The following CRMP1 variants were observed in gnomAD, a reference collection of about 807,000 sequenced individuals.
CRMP1 encodes the protein dihydropyrimidinase-related protein 1.
CRMP1 carries 19 observed loss-of-function variants against 68.3 expected under a neutral mutation model. That is an observed-to-expected ratio of 0.28 (90% CI 0.19 to 0.41). The LOEUF is 0.41. CRMP1 is among the 10% of genes least tolerant of loss of function. The pLI, the probability that CRMP1 is intolerant of heterozygous loss-of-function variation, is 1.00. For missense variants in CRMP1, 791 were observed against 967.4 expected, an observed-to-expected ratio of 0.82 and a Z score of 2.42; for synonymous variants, 439 against 399.6, an observed-to-expected ratio of 1.10 and a Z score of -1.18.
chr4:5,885,043 T>G (rs1351599715), intron 1 of CRMP1, among the ~76,000 whole-genome samples: 1 of 151,714 alleles, frequency 6.6e-6, no homozygotes, highest in Non-Finnish European at 1.5e-5. Flanking sequence ...ACACAGTCCT[T>G]GGGGGCAGGA....
At chr4:5,836,106 TGAGAA>T (rs756004402) in intron 10 of CRMP1, 21 bp from the exon 11 acceptor site, 2 of 1,451,562 alleles carry the variant, frequency 1.4e-6, no homozygotes, top group East Asian at 5.3e-5. Flanking sequence ...GACCCACAGA[TGAGAA>T]GAGCATCTCA....
intron 11 of CRMP1, among the ~76,000 whole-genome samples, chr4:5,830,194 G>A (rs1720264561): frequency 6.6e-6 from 1 of 152,054 alleles, no homozygotes; most frequent in African/African-American, 2.4e-5. Context: ...CAGGGTCTTG[G>A]CATTCTTCTT....
chr4:5,888,592 C>G lies in CRMP1; in HGVS notation c.381+3997G>C, dbSNP rs2152477359. 2 of 1,060,958 alleles carry G rather than the reference C, an allele frequency of 1.9e-6. No homozygotes were observed. Among genetic ancestry groups the G allele is most frequent in the South Asian group, 9.1e-5 (2 of 21,994 alleles). The allele number at this position is 1,060,958 out of a possible 1,614,324, so 65.7% of individuals were successfully genotyped here. ...CCGGATTCGCCCCTCTCGGCTCGAA[C>G]CAGGAAGCGCTTCCCTTCCGATCTC... is the stretch of plus-strand genomic sequence containing the variant. On this transcript the variant is annotated intron_variant, in intron 1 of 13. Coordinates refer to ENST00000324989, the MANE Select transcript of CRMP1 (RefSeq NM_001014809.3). The surrounding 1 kb of genome is among the most constrained non-coding windows in gnomAD (Gnocchi z 6.4).
chr4:5,863,747 T>G (rs538852129), intron 2 of CRMP1, among the ~76,000 whole-genome samples: 9 of 152,310 alleles, frequency 5.9e-5, no homozygotes, highest in South Asian at 2.1e-4. Context: ...TGAACGGCTC[T>G]TAAGAAAACT....
intron 11 of CRMP1, 148 bp from the exon 12 acceptor site, chr4:5,828,816 T>G: frequency 9.8e-7 from 1 of 1,015,728 alleles, no homozygotes; most frequent in South Asian, 1.7e-5. Flanking sequence ...ACTGTAATAT[T>G]CCACTGTATG....
chr4:5,888,731 C>A lies in CRMP1; in HGVS notation c.381+3858G>T, dbSNP rs1435265656. The A allele has an allele frequency of 1.0e-5, 7 of 701,002 alleles. No individual in the cohort carries two copies. The highest frequency in any genetic ancestry group is 1.2e-5 in the Non-Finnish European group (7 of 571,466). The allele number at this position is 701,002 out of a possible 1,614,324, so 43.4% of individuals were successfully genotyped here. On this transcript the variant is annotated intron_variant, in intron 1 of 13. Coordinates refer to ENST00000324989, the MANE Select transcript of CRMP1 (RefSeq NM_001014809.3). The surrounding 1 kb of genome is among the most constrained non-coding windows in gnomAD (Gnocchi z 6.4). ...GATCCAGAGAGTATGGTTTTCAGGG[C>A]TCCTTTAAAAGAAAAAGACGGCGCG...
In CRMP1 at chr4:5,836,052, C is replaced by T; in HGVS notation, c.1486G>A (p.Ala496Thr). The change falls in exon 11 of 14, where the codon GCT (alanine) becomes ACT (threonine). Residue 496 changes from alanine (A) to threonine (T), a missense_variant. Around this residue, in one of 3 missense-constraint regions of CRMP1, gnomAD observed 594 missense variants for 763.6 expected, o/e 0.78. Transcript: ENST00000324989. ...TTGGCTGCATTGGTGCTGGTGACAG[C>T]GACAAACTGGTTCTCATCCATTTTG... The part of the protein sequence containing the change: ...TGKMDENQFV[A>T]VTSTNAAKIF... 2 of 1,561,364 alleles carry T rather than the reference C, an allele frequency of 1.3e-6. No homozygotes were observed. Among genetic ancestry groups the T allele is most frequent in the South Asian group, 1.2e-5 (1 of 81,194 alleles).
chr4:5,890,378 T>C lies in CRMP1; in HGVS notation c.381+2211A>G, dbSNP rs1715883887. On this transcript the variant is annotated intron_variant, in intron 1 of 13. Transcript: ENST00000324989. The surrounding 1 kb of genome is among the most constrained non-coding windows in gnomAD (Gnocchi z 5.5). ...CTCCGGCAGCGGCAATCCTTGCGCC[T>C]GCGCCGCAGAAACCCCTCCTGCAGC... Among the ~76,000 whole-genome samples the C allele has an allele frequency of 1.3e-5, 2 of 152,098 alleles. No homozygotes were observed. Among genetic ancestry groups the C allele is most frequent in the Admixed American group, 1.3e-4 (2 of 15,276 alleles).
At position 5,888,190 on chromosome 4, in the gene CRMP1, A is replaced by C; in HGVS notation, c.381+4399T>G. The C allele has an allele frequency of 8.0e-7, 1 of 1,246,612 alleles. No homozygotes were observed. Among genetic ancestry groups the C allele is most frequent in the South Asian group, 3.8e-5 (1 of 26,442 alleles). The allele number at this position is 1,246,612 out of a possible 1,614,324, so 77.2% of individuals were successfully genotyped here. On this transcript the variant is annotated intron_variant, in intron 1 of 13. Coordinates refer to ENST00000324989, the MANE Select transcript of CRMP1 (RefSeq NM_001014809.3). The surrounding 1 kb of genome is among the most constrained non-coding windows in gnomAD (Gnocchi z 6.4). ...GCCGGGCGCCCACTCCCAGCCCACAAAGGCCAGCGCGGGGCGGCGGGGGCG... is the reference window on the plus strand; with the variant it reads ...GCCGGGCGCCCACTCCCAGCCCACACAGGCCAGCGCGGGGCGGCGGGGGCG...
Position 5,881,234 on chromosome 4 carries a change from A to T in CRMP1, c.381+11355T>A, listed in dbSNP as rs1341257498. ...AGCTGCTTGCTCTTGTTTTCTAGAC[A>T]ACTTCTCTATGAAGCATCCAAGATC... is the stretch of plus-strand genomic sequence containing the variant. On this transcript the variant is annotated intron_variant, in intron 1 of 13. Coordinates refer to ENST00000324989, the MANE Select transcript of CRMP1 (RefSeq NM_001014809.3). This position sits in a 1 kb window ranked among gnomAD's most constrained non-coding sequence, Gnocchi z 4.6. Among the ~76,000 whole-genome samples the T allele has an allele frequency of 6.6e-6, 1 of 152,116 alleles. No individual in the cohort carries two copies. The highest frequency in any genetic ancestry group is 2.4e-5 in the African/African-American group (1 of 41,412).
At position 5,850,196 on chromosome 4, in the gene CRMP1, C is replaced by T. The variant is rs946525619; in HGVS notation, c.883-724G>A. Among the ~76,000 whole-genome samples, 3 of 152,182 alleles carry T rather than the reference C, an allele frequency of 2.0e-5. No homozygotes were observed. The highest frequency in any genetic ancestry group is 1.9e-4 in the East Asian group (1 of 5,180). On this transcript the variant is annotated intron_variant, in intron 5 of 13. Transcript: ENST00000324989. The surrounding 1 kb of genome is among the most constrained non-coding windows in gnomAD (Gnocchi z 4.4). Reference sequence around the variant, plus strand: ...CCATGCATGCAAGACAACATCCCCTCGGATGTCTGCTTTCCGACAGACATC... The same window carrying T: ...CCATGCATGCAAGACAACATCCCCTTGGATGTCTGCTTTCCGACAGACATC...
In CRMP1 at chr4:5,892,560, C is replaced by T. The variant is rs1470732157; in HGVS notation, c.381+29G>A. 2.5e-5 allele frequency: 29 copies of T among 1,171,472 alleles called. No individual in the cohort carries two copies. The highest frequency in any genetic ancestry group is 4.6e-5 in the Admixed American group (1 of 21,636). 72.6% of individuals were successfully genotyped at this position (1,171,472 alleles called of 1,614,324 possible). On this transcript the variant is annotated intron_variant, in intron 1 of 13. Coordinates refer to ENST00000324989, the MANE Select transcript of CRMP1 (RefSeq NM_001014809.3). This position sits in a 1 kb window ranked among gnomAD's most constrained non-coding sequence, Gnocchi z 8.6. The stretch of plus-strand genomic sequence containing the variant: ...GGGTCCTCCCGGGGCCCGCCCCCCT[C>T]GTCTGGCCCGCGCGCGCCCCGAGGG...
chr4:5,885,494 T>C (rs1481177806), intron 1 of CRMP1, among the ~76,000 whole-genome samples: 2 of 152,198 alleles, frequency 1.3e-5, no homozygotes, highest in Non-Finnish European at 2.9e-5. Flanking sequence ...ACTGCCTTCA[T>C]GATTTGATCT....
rs761516398 is a variant in CRMP1 at position 5,861,033 on chromosome 4, C to T, written c.648G>A (p.Thr216=). 18 of 1,613,732 alleles carry T rather than the reference C, an allele frequency of 1.1e-5. No homozygotes were observed. The highest frequency in any genetic ancestry group is 3.3e-5 in the South Asian group (3 of 91,046). Reference sequence around the variant, plus strand: ...GGGGACAGTGTCACTCACTGATCATCGTGGTCCCGCCCACCAGTGCCGCCC... The same window carrying T: ...GGGGACAGTGTCACTCACTGATCATTGTGGTCCCGCCCACCAGTGCCGCCC... ...GTRAALVGGT[T]MIIDHVVPEP... The change falls in exon 3 of 14, where the codon ACG becomes ACA. Residue 216 remains threonine (T), a synonymous_variant. Transcript: ENST00000324989. This position sits in a 1 kb window ranked among gnomAD's most constrained non-coding sequence, Gnocchi z 6.0.
rs756422437 is a variant in CRMP1 at position 5,836,088 on chromosome 4, A to T, written c.1453-3T>A. Reference sequence around the variant, plus strand: ...TTCTCATCCATTTTGCCAGTAGCCTACAGGCAAGACCCACAGATGAGAAGA... The same window carrying T: ...TTCTCATCCATTTTGCCAGTAGCCTTCAGGCAAGACCCACAGATGAGAAGA... On this transcript the variant is annotated splice_polypyrimidine_tract_variant and splice_region_variant and intron_variant, in intron 10 of 13. Transcript: ENST00000324989. 6.7e-7 allele frequency: 1 copy of T among 1,502,488 alleles called. No individual in the cohort carries two copies. Among genetic ancestry groups the T allele is most frequent in the South Asian group, 1.4e-5 (1 of 69,278 alleles). 93.1% of individuals were successfully genotyped at this position (1,502,488 alleles called of 1,614,324 possible).
At chr4:5,873,321 G>GGGAA (rs1191816631) in intron 1 of CRMP1, among the ~76,000 whole-genome samples, 1 of 152,188 alleles carries the variant, frequency 6.6e-6, no homozygotes, top group Non-Finnish European at 1.5e-5. Flanking sequence ...TCCTGAGAGA[G>GGGAA]GGAAGCACAC....
At chr4:5,832,200 T>G (rs1720427870) in intron 11 of CRMP1, among the ~76,000 whole-genome samples, 1 of 152,232 alleles carries the variant, frequency 6.6e-6, no homozygotes. Flanking sequence ...TGTTCATGGG[T>G]ACAGGGTTTC....
At chr4:5,851,490 T>A (rs41264685) in intron 4 of CRMP1, 21 bp from the exon 5 acceptor site, 7 of 1,609,122 alleles carry the variant, frequency 4.4e-6, no homozygotes, top group South Asian at 1.1e-5. Flanking sequence ...ATAGAAAGGA[T>A]AGAAAAATAT....
rs1553903993 is a variant in CRMP1 at position 5,837,664 on chromosome 4, A to AAAAT, written c.1311-762_1311-759dup. On this transcript the variant is annotated intron_variant, in intron 9 of 13. Transcript: ENST00000324989. ...ATAAAATAAAATAATAAAATAAAATAAAATAAAATAAAATAAATAAAATAA... is the reference window on the plus strand; with the variant it reads ...ATAAAATAAAATAATAAAATAAAATAAAATAAATAAAATAAAATAAATAAAATAA... 8.2e-3 allele frequency among the ~76,000 whole-genome samples: 884 copies of AAAAT among 108,254 alleles called. 6 individuals carry two copies. The highest frequency in any genetic ancestry group is 0.01 in the Non-Finnish European group (566 of 56,044). 71.0% of individuals were successfully genotyped at this position (108,254 alleles called of 152,430 possible).
Sources: allele counts gnomAD v4.1 joint callset (sites outside exome capture counted in the v4.1 genomes callset), GRCh38; gene constraint gnomAD v4.1.1; regional missense constraint gnomAD v4.1.1; non-coding constraint Gnocchi (gnomAD v3.1); transcripts MANE v1.5; gene names NCBI Gene and HGNC (gene_info 2026-07-23, HGNC 2026-07-21).